The following CNDP1 variants were observed in gnomAD, a reference collection of about 807,000 sequenced individuals.
The protein encoded by CNDP1 is beta-Ala-His dipeptidase.
CNDP1 carries 44 observed loss-of-function variants against 58.1 expected under a neutral mutation model. The ratio of observed to expected loss-of-function variants is 0.76; its 90% confidence interval spans 0.60 to 0.97. The LOEUF is 0.97. Among genes scored for constraint, CNDP1 ranks in the 50% least tolerant of loss-of-function variants. CNDP1 has a pLI of 0.00. For missense variants in CNDP1, 616 were observed against 655.1 expected (o/e 0.94, Z 0.65); for synonymous variants, 254 against 252.6 (o/e 1.01, Z -0.05).
intron 1 of CNDP1, among the ~76,000 whole-genome samples, chr18:74,554,768 A>G (rs545852825): frequency 6.6e-6 from 1 of 152,240 alleles, no homozygotes; most frequent in South Asian, 2.1e-4. Context: ...GGGCAATGGG[A>G]CCTCTTGGAA....
Position 74,583,661 on chromosome 18 carries a change from G to A in CNDP1, c.1410G>A (p.Leu470=), listed in dbSNP as rs377234646. ...ACAAGAGCGTGGTGCTAATTCCGCT[G>A]GGAGCTGTTGATGATGGAGAACATT... The part of the protein sequence containing the change: ...IVHKSVVLIP[L]GAVDDGEHSQ... Residue 470 remains leucine, a synonymous_variant, in exon 11 of 12, where the codon CTG becomes CTA. Transcript: ENST00000358821. 1.9e-5 allele frequency: 31 copies of A among 1,614,052 alleles called. No individual in the cohort carries two copies. Among genetic ancestry groups the A allele is most frequent in the Non-Finnish European group, 2.6e-5 (31 of 1,180,020 alleles).
At chr18:74,549,129 TTTA>T (rs1456954740) in intron 1 of CNDP1, among the ~76,000 whole-genome samples, 3 of 152,206 alleles carry the variant, frequency 2.0e-5, no homozygotes, top group Non-Finnish European at 4.4e-5. Flanking sequence ...CTATCTTGCT[TTTA>T]TTATTATTTT....
At chr18:74,541,801 G>A (rs866190877) in intron 1 of CNDP1, among the ~76,000 whole-genome samples, 1 of 152,172 alleles carries the variant, frequency 6.6e-6, no homozygotes. Flanking sequence ...TCTTTCAAGC[G>A]GTTACAATCC....
At chr18:74,569,606 A>T (rs1055136772) in intron 6 of CNDP1, among the ~76,000 whole-genome samples, 6 of 152,168 alleles carry the variant, frequency 3.9e-5, no homozygotes, top group Non-Finnish European at 7.3e-5. Context: ...TAGCGTGAGC[A>T]CCGCATGGTC....
At chr18:74,582,913 ATAGATGGGAGCTCTCTCTC>A in intron 10 of CNDP1, among the ~76,000 whole-genome samples, 1 of 152,348 alleles carries the variant, frequency 6.6e-6, no homozygotes, top group East Asian at 1.9e-4. Context: ...AGAGTAAGAG[ATAGATGGGAGCTCTCTCTC>A]TACTATTTTT....
Position 74,545,485 on chromosome 18 carries a change from G to A in CNDP1, c.24+10794G>A, listed in dbSNP as rs1383497531. On this transcript the variant is annotated intron_variant, in intron 1 of 11. Coordinates refer to ENST00000358821, the MANE Select transcript of CNDP1 (RefSeq NM_032649.6). This position sits in a 1 kb window ranked among gnomAD's most constrained non-coding sequence, Gnocchi z 4.1. Reference sequence around the variant, plus strand: ...AATTACAGGTTTCTAGAAAAGAAACGTGTTATTTGGTGCTGTCTGCATTTT... The same window carrying A: ...AATTACAGGTTTCTAGAAAAGAAACATGTTATTTGGTGCTGTCTGCATTTT... 3.3e-5 allele frequency among the ~76,000 whole-genome samples: 5 copies of A among 152,158 alleles called. No homozygotes were observed. The highest frequency in any genetic ancestry group is 9.7e-5 in the African/African-American group (4 of 41,436).
intron 7 of CNDP1, among the ~76,000 whole-genome samples, chr18:74,571,608 C>T (rs776436990): frequency 6.6e-6 from 1 of 152,124 alleles, no homozygotes; most frequent in South Asian, 2.1e-4. Flanking sequence ...AATGCCGGGC[C>T]GGGTGGAGGT....
chr18:74,584,139 TATTAGGA>T, intron 11 of CNDP1: 1 of 322,790 alleles, frequency 3.1e-6, no homozygotes, highest in Non-Finnish European at 5.8e-6. Flanking sequence ...CAAAAAAGGC[TATTAGGA>T]ATGTTTGCTT....
chr18:74,573,907 C>T (rs1469061098), intron 7 of CNDP1, among the ~76,000 whole-genome samples: 4 of 133,400 alleles, frequency 3.0e-5, no homozygotes, highest in African/African-American at 1.2e-4. Context: ...AAATAATCCA[C>T]AGCACAGTAA....
chr18:74,544,810 C>T (rs1487669212), intron 1 of CNDP1, among the ~76,000 whole-genome samples: 1 of 151,660 alleles, frequency 6.6e-6, no homozygotes, highest in Non-Finnish European at 1.5e-5. Flanking sequence ...TCAAAAATGC[C>T]TGTCCACCTG....
At chr18:74,571,960 T>C (rs1981490534) in intron 7 of CNDP1, among the ~76,000 whole-genome samples, 1 of 152,138 alleles carries the variant, frequency 6.6e-6, no homozygotes, top group East Asian at 1.9e-4. Context: ...GTTCACCTAG[T>C]ATTGCTTTTA....
intron 11 of CNDP1, 127 bp from the exon 12 acceptor site, chr18:74,584,369 A>G: frequency 1.5e-6 from 1 of 667,234 alleles, no homozygotes; most frequent in Non-Finnish European, 2.6e-6. Context: ...GGGATCTCAG[A>G]AGTATGTTAA....
chr18:74,581,262 G>A (rs909781849), intron 10 of CNDP1, among the ~76,000 whole-genome samples: 1 of 143,366 alleles, frequency 7.0e-6, no homozygotes, highest in Admixed American at 7.1e-5. Flanking sequence ...GTGTGTGTGT[G>A]TAAGCTTGAC....
intron 5 of CNDP1, among the ~76,000 whole-genome samples, chr18:74,564,629 G>A (rs1424650082): frequency 1.3e-5 from 2 of 152,120 alleles, no homozygotes; most frequent in Admixed American, 6.5e-5. Context: ...TTCCTTTTGG[G>A]GAGAAGGAGA....
In CNDP1 at chr18:74,567,401, G is replaced by A. The variant is rs1272655112; in HGVS notation, c.724G>A (p.Gly242Arg). The A allele has an allele frequency of 4.3e-6, 7 of 1,613,856 alleles. No homozygotes were observed. In the East Asian group the frequency reaches 6.7e-5, roughly 15 times the overall value. ...ISQRKPAITY[G>R]TRGNSYFMVE... ...CCAAAGGAAGCCAGCAATCACTTAC[G>A]GAACCCGGGGGAACAGCTACTTCAT... The change falls in exon 6 of 12, where the codon GGA becomes AGA. Residue 242 changes from glycine (G) to arginine (R), a missense_variant. Transcript: ENST00000358821.
intron 8 of CNDP1, 62 bp downstream of exon 8, chr18:74,577,091 CTCTG>C (rs1568300242): frequency 2.0e-5 from 29 of 1,436,344 alleles, no homozygotes; most frequent in Admixed American, 4.1e-5. Context: ...CATATTTGCC[CTCTG>C]TCTAAGTCAT....
In CNDP1 at chr18:74,567,334, T is replaced by C; in HGVS notation, c.657T>C (p.Ser219=). The change falls in exon 6 of 12, where the codon TCT becomes TCC. Residue 219 remains serine (S), a synonymous_variant. Coordinates refer to ENST00000358821, the MANE Select transcript of CNDP1 (RefSeq NM_032649.6). ...LVEKEKDRFF[S]GVDYIVISDN... is the part of the protein sequence containing the mutation. ...AAAAAGAAAAGGACCGATTCTTCTC[T>C]GGTGTGGACTACATTGTAATTTCAG... 1 of 1,614,150 alleles carries C rather than the reference T, an allele frequency of 6.2e-7. No homozygotes were observed. The highest frequency in any genetic ancestry group is 1.3e-5 in the African/African-American group (1 of 75,042).
At chr18:74,577,331 G>T in intron 8 of CNDP1, 1 of 214,244 alleles carries the variant, frequency 4.7e-6, no homozygotes. Flanking sequence ...CCTTCAGCCA[G>T]TGAGCTGGAC....
intron 10 of CNDP1, among the ~76,000 whole-genome samples, chr18:74,581,372 G>A (rs1288563562): frequency 2.6e-5 from 4 of 152,086 alleles, no homozygotes; most frequent in Non-Finnish European, 5.9e-5. Flanking sequence ...TTTACCTAGT[G>A]TGTGGTCTGG....
Sources: allele counts gnomAD v4.1 joint callset (sites outside exome capture counted in the v4.1 genomes callset), GRCh38; gene constraint gnomAD v4.1.1; non-coding constraint Gnocchi (gnomAD v3.1); transcripts MANE v1.5; gene names NCBI Gene and HGNC (gene_info 2026-07-23, HGNC 2026-07-21).